The following KCP variants were observed in gnomAD, a reference collection of about 807,000 sequenced individuals.
The protein encoded by KCP is kielin cysteine rich BMP regulator, also known as kielin/chordin-like protein.
A neutral mutation model predicts 212.7 loss-of-function variants in KCP; 194 were observed. That is an observed-to-expected ratio of 0.91 (90% confidence interval 0.81 to 1.03). The LOEUF (loss-of-function observed/expected upper bound fraction) is 1.03. Ranked by LOEUF, KCP falls within the 50% of genes least tolerant of loss-of-function variation. The pLI is 0.00. For missense variants in KCP, 2,080 were observed against 2,162.5 expected (o/e 0.96, Z 0.76); for synonymous variants, 833 against 865.3 (o/e 0.96, Z 0.65).
intron 4 of KCP, 83 bp from the exon 5 acceptor site, chr7:128,906,446 T>G (rs561333221): frequency 5.9e-5 from 58 of 982,646 alleles, no homozygotes; most frequent in African/African-American, 5.8e-4. Context: ...CAGCCCAGGC[T>G]GGGACATGTC....
chr7:128,892,320 G>A (rs996879219), intron 16 of KCP, among the ~76,000 whole-genome samples, 194 bp downstream of exon 16: 2 of 152,148 alleles, frequency 1.3e-5, no homozygotes, highest in African/African-American at 4.8e-5. Flanking sequence ...TGTAGGTACA[G>A]GCAGGAATAA....
In KCP at chr7:128,877,158, A is replaced by C. The variant is rs1585186858; in HGVS notation, c.4772T>G (p.Val1591Gly). Residue 1591 changes from valine to glycine, a missense_variant, in exon 40 of 40, where the codon GTG becomes GGG. Val to Gly is a moderately radical substitution (Grantham distance 109). Coordinates refer to ENST00000610776, the MANE Select transcript of KCP (RefSeq NM_001366122.1). The part of the protein sequence containing the change: ...VPGCQCPAGL[V>G]EHEAHCIPPE... ...TGGGATGCAGTGGGCCTCATGCTCC[A>C]CCAGGCCTGCAGGGCACTGGCAGCC... 1 of 1,498,828 alleles carries C rather than the reference A, an allele frequency of 6.7e-7. No individual in the cohort carries two copies. The highest frequency in any genetic ancestry group is 1.3e-5 in the South Asian group (1 of 76,636). The allele number at this position is 1,498,828 out of a possible 1,614,324, so 92.8% of individuals were successfully genotyped here. A position where few individuals can be genotyped will look rare whatever the true frequency, so the allele number is the denominator to read the frequency against.
In KCP at chr7:128,877,555, G is replaced by A. The variant is rs755971268; in HGVS notation, c.4547C>T (p.Ala1516Val). ...GSSADACLCDALEAYASHCRQ... is the reference protein window; with the variant it reads ...GSSADACLCDVLEAYASHCRQ... ...ACAGTGACTGGCGTAGGCTTCCAGG[G>A]CATCACAGAGGCAGGCATCAGCGGA... The change falls in exon 39 of 40, where the codon GCC (alanine) becomes GTC (valine). Residue 1516 changes from alanine (A) to valine (V), a missense_variant. Transcript: ENST00000610776. 151 of 1,551,436 alleles carry A rather than the reference G, an allele frequency of 9.7e-5. No individual in the cohort carries two copies. Among genetic ancestry groups the A allele is most frequent in the African/African-American group, 1.4e-4 (10 of 73,064 alleles).
intron 23 of KCP, 40 bp downstream of exon 23, chr7:128,887,175 G>T: frequency 6.6e-7 from 1 of 1,512,104 alleles, no homozygotes; most frequent in Non-Finnish European, 9.0e-7. Context: ...GGAGTATCAA[G>T]GGAGGAAAGG....
Position 128,884,044 on chromosome 7 carries a change from G to A in KCP, c.3202C>T (p.Leu1068Phe), listed in dbSNP as rs1434281169. The change falls in exon 29 of 40, where the codon CTC becomes TTC. Residue 1068 changes from leucine to phenylalanine, a missense_variant. Coordinates refer to ENST00000610776, the MANE Select transcript of KCP (RefSeq NM_001366122.1). Reference protein sequence around the residue: ...PSLVGCPPSQLLPPGPQHCCP... With the variant: ...PSLVGCPPSQFLPPGPQHCCP... ...CAGTGCTGGGGCCCAGGGGGCAGGA[G>A]CTGGCTGGGGGGGCAGCCCACCAGG... The A allele has an allele frequency of 1.9e-6, 3 of 1,546,896 alleles. No homozygotes were observed. Among genetic ancestry groups the A allele is most frequent in the Non-Finnish European group, 2.6e-6 (3 of 1,145,738 alleles).
In KCP at chr7:128,879,781, G is replaced by C. The variant is rs1372656099; in HGVS notation, c.3981C>G (p.Thr1327=). The change falls in exon 36 of 40, where the codon ACC becomes ACG. Residue 1327 remains threonine, a synonymous_variant. Coordinates refer to ENST00000610776, the MANE Select transcript of KCP (RefSeq NM_001366122.1). ...CTCCCAGCAGCACCGCCACCTCCTG[G>C]GTCCAGGCCACACCGCTCCGGCCCC... The part of the protein sequence containing the change: ...DDRGRSGVAW[T]QEVAVLLGDM... 6 of 1,550,592 alleles carry C rather than the reference G, an allele frequency of 3.9e-6. No homozygotes were observed. The highest frequency in any genetic ancestry group is 5.2e-6 in the Non-Finnish European group (6 of 1,146,998).
chr7:128,883,897 C>G (rs1240713191), intron 29 of KCP, 105 bp downstream of exon 29: 1 of 1,374,314 alleles, frequency 7.3e-7, no homozygotes, highest in Non-Finnish European at 9.7e-7. Context: ...CCAGAACAGT[C>G]CACTGGAGTC....
chr7:128,893,340 A>G (rs1794299188), intron 12 of KCP, 21 bp from the exon 13 acceptor site: 1 of 1,551,408 alleles, frequency 6.4e-7, no homozygotes, highest in African/African-American at 1.4e-5. Flanking sequence ...AGCAGGTGAG[A>G]CACCCTGAAG....
intron 8 of KCP, among the ~76,000 whole-genome samples, chr7:128,901,372 A>G (rs1355164992): frequency 6.6e-6 from 1 of 152,112 alleles, no homozygotes; most frequent in Non-Finnish European, 1.5e-5. Context: ...CACGCCTGTA[A>G]TCCCAGCACT....
At chr7:128,889,100 T>C in intron 21 of KCP, 61 bp from the exon 22 acceptor site, 1 of 1,328,922 alleles carries the variant, frequency 7.5e-7, no homozygotes, top group Non-Finnish European at 1.0e-6. Flanking sequence ...AGGGCAGTGG[T>C]CATAGGCTCT....
At position 128,891,767 on chromosome 7, in the gene KCP, G is replaced by A. The variant is rs1359948688; in HGVS notation, c.1674C>T (p.Pro558=). The change falls in exon 17 of 40, where the codon CCC becomes CCT. Residue 558 remains proline, a synonymous_variant. Transcript: ENST00000610776. ...VFVDGESFSH[P]RDPCQECRCQ... is the part of the protein sequence containing the mutation. ...ATCGGCACTCCTGGCAGGGGTCTCGGGGGTGGGAGAAGCTCTCGCCGTCCA... is the reference window on the plus strand; with the variant it reads ...ATCGGCACTCCTGGCAGGGGTCTCGAGGGTGGGAGAAGCTCTCGCCGTCCA... 4.1e-6 allele frequency: 6 copies of A among 1,450,908 alleles called. No individual in the cohort carries two copies. In the East Asian group the frequency reaches 1.5e-4, roughly 37 times the overall value. The allele number at this position is 1,450,908 out of a possible 1,614,324, so 89.9% of individuals were successfully genotyped here.
intron 29 of KCP, among the ~76,000 whole-genome samples, chr7:128,882,772 AAAC>A (rs1793406746): frequency 6.6e-6 from 1 of 152,166 alleles, no homozygotes; most frequent in Non-Finnish European, 1.5e-5. Flanking sequence ...ACAAACAAAC[AAAC>A]AAACAAAAAA....
intron 8 of KCP, among the ~76,000 whole-genome samples, chr7:128,898,771 A>G (rs375366797): frequency 1.3e-5 from 2 of 152,246 alleles, no homozygotes; most frequent in African/African-American, 2.4e-5. Context: ...AAGGTTTGTG[A>G]AAAATTAATC....
chr7:128,889,205 G>C (rs1182704448), intron 21 of KCP, among the ~76,000 whole-genome samples, 166 bp from the exon 22 acceptor site: 19 of 151,716 alleles, frequency 1.3e-4, no homozygotes, highest in Admixed American at 8.5e-4. Context: ...AGTCGTGAGG[G>C]GGGCGGGGTT....
intron 1 of KCP, 145 bp from the exon 2 acceptor site, chr7:128,908,713 C>G: frequency 2.2e-6 from 2 of 894,216 alleles, no homozygotes; most frequent in Non-Finnish European, 3.3e-6. Flanking sequence ...CATCCAGGGC[C>G]GGGAAGCCAG....
intron 16 of KCP, 83 bp from the exon 17 acceptor site, chr7:128,891,902 T>G: frequency 9.6e-7 from 1 of 1,044,820 alleles, no homozygotes; most frequent in Non-Finnish European, 1.3e-6. Flanking sequence ...GCCACACAAG[T>G]GCCCACTTGG....
intron 30 of KCP, 21 bp from the exon 31 acceptor site, chr7:128,881,746 G>T: frequency 2.6e-6 from 4 of 1,523,364 alleles, no homozygotes; most frequent in Admixed American, 2.2e-5. Flanking sequence ...GAACACAAGA[G>T]GTAGAGAATG....
At chr7:128,881,760 G>A (rs1184245133) in intron 30 of KCP, 35 bp from the exon 31 acceptor site, 7 of 1,498,062 alleles carry the variant, frequency 4.7e-6, no homozygotes, top group Non-Finnish European at 6.3e-6. Flanking sequence ...GAGAATGGCA[G>A]ATCTCAGGGA....
chr7:128,897,241 C>A (rs1019338908), intron 8 of KCP, among the ~76,000 whole-genome samples: 7 of 152,180 alleles, frequency 4.6e-5, no homozygotes, highest in African/African-American at 9.7e-5. Flanking sequence ...GCCTGCTTTG[C>A]AAGACAGCCC....
Sources: gnomAD v4.1 joint callset for allele counts (sites outside exome capture counted in the v4.1 genomes callset) on GRCh38, gnomAD v4.1.1 for gene constraint, MANE v1.5 for transcripts, NCBI Gene and HGNC (gene_info 2026-07-23, HGNC 2026-07-21) for gene names.